Variants in DNAH11 observed in about 807,000 individuals in gnomAD.
DNAH11 encodes dynein axonemal heavy chain 11, also known as axonemal beta dynein heavy chain 11.
In DNAH11, 442 loss-of-function variants were observed where a neutral mutation model predicts 526.0. The ratio of observed to expected loss-of-function variants is 0.84; its 90% CI spans 0.78 to 0.91. The LOEUF (loss-of-function observed/expected upper bound fraction) is 0.91, where lower values mean the gene tolerates loss of function less well. DNAH11 is among the 40% of genes least tolerant of loss of function. DNAH11 has a pLI of 0.00. For missense variants in DNAH11, 6,989 were observed against 5,448.7 expected, an observed-to-expected ratio of 1.28 and a Z score of -8.90; for synonymous variants, 2,461 against 1,935.9, an observed-to-expected ratio of 1.27 and a Z score of -7.12.
At chr7:21,610,236 AGT>A (rs1399912316) in intron 20 of DNAH11, among the ~76,000 whole-genome samples, 4 of 152,212 alleles carry the variant, frequency 2.6e-5, no homozygotes, top group Non-Finnish European at 5.9e-5. Context: ...CCTGGGCGAC[AGT>A]GCGAGACTCC....
At chr7:21,854,762 C>G (rs1020641438) in intron 68 of DNAH11, among the ~76,000 whole-genome samples, 1 of 151,770 alleles carries the variant, frequency 6.6e-6, no homozygotes, top group African/African-American at 2.4e-5. Flanking sequence ...AGGCTGGTCT[C>G]GAACTCCTGA....
chr7:21,623,931 A>T (rs932714284), intron 25 of DNAH11, among the ~76,000 whole-genome samples: 1 of 151,726 alleles, frequency 6.6e-6, no homozygotes, highest in African/African-American at 2.4e-5. Flanking sequence ...TAACCTGCAC[A>T]TTGTGCACAT....
chr7:21,887,265 C>T (rs555293301), intron 76 of DNAH11, among the ~76,000 whole-genome samples: 2 of 152,196 alleles, frequency 1.3e-5, no homozygotes, highest in Non-Finnish European at 2.9e-5. Flanking sequence ...AGTTTGCTCT[C>T]AGAGAGAGTT....
At chr7:21,649,106 G>T (rs1051612263) in intron 28 of DNAH11, among the ~76,000 whole-genome samples, 1 of 152,158 alleles carries the variant, frequency 6.6e-6, no homozygotes, top group Non-Finnish European at 1.5e-5. Flanking sequence ...GAGATATCAA[G>T]ATCAAACCCA....
At chr7:21,900,163 A>AAAGACACCCCAAGG (rs754189097) in intron 81 of DNAH11, 43 bp downstream of exon 81, 2 of 1,575,380 alleles carry the variant, frequency 1.3e-6, no homozygotes, top group South Asian at 2.4e-5. Context: ...TTTCTTACTC[A>AAAGACACCCCAAGG]GGTTCAGATC....
intron 54 of DNAH11, among the ~76,000 whole-genome samples, chr7:21,765,040 A>C (rs1256206055): frequency 1.3e-5 from 2 of 152,246 alleles, no homozygotes; most frequent in African/African-American, 4.8e-5. Flanking sequence ...GATGAATTAC[A>C]AAATGGAAGA....
intron 6 of DNAH11, among the ~76,000 whole-genome samples, chr7:21,567,961 C>T (rs1011986987): frequency 2.0e-5 from 3 of 152,098 alleles, no homozygotes; most frequent in Non-Finnish European, 4.4e-5. Context: ...GTTGTCTATT[C>T]CATGGCTTGG....
chr7:21,713,251 A>G (rs1784528180), intron 42 of DNAH11, among the ~76,000 whole-genome samples: 1 of 152,228 alleles, frequency 6.6e-6, no homozygotes, highest in South Asian at 2.1e-4. Flanking sequence ...ACCTCTCTGG[A>G]CACACACTCC....
rs558870302 is a variant in DNAH11 at position 21,718,764 on chromosome 7, A to T, written c.7134+839A>T. 7.9e-5 allele frequency among the ~76,000 whole-genome samples: 12 copies of T among 152,288 alleles called. No homozygotes were observed. The South Asian group carries it at 2.5e-3, about 32-fold the overall frequency. ...TGCTATAAGAGCAAAATTGCTTTCTAAGTACTTTGTTACCATTAAGTGAGT... is the reference window on the plus strand; with the variant it reads ...TGCTATAAGAGCAAAATTGCTTTCTTAGTACTTTGTTACCATTAAGTGAGT... On this transcript the variant is annotated intron_variant, in intron 43 of 81. Coordinates refer to ENST00000409508, the MANE Select transcript of DNAH11 (RefSeq NM_001277115.2).
rs773745678 is a variant in DNAH11, at chr7:21,636,032, A to G, written c.4662A>G (p.Glu1554=). 1 of 1,613,708 alleles carries G rather than the reference A, an allele frequency of 6.2e-7. No individual in the cohort carries two copies. Among genetic ancestry groups the G allele is most frequent in the South Asian group, 1.1e-5 (1 of 90,956 alleles). Residue 1554 remains glutamate (E), a synonymous_variant, in exon 26 of 82, where the codon GAA becomes GAG. Coordinates refer to ENST00000409508, the MANE Select transcript of DNAH11 (RefSeq NM_001277115.2). ...TGGAAAGCATTTTTGTCTGTTCAGA[A>G]GATATTCGAATCCAGCTTGTGAAAG... ...SHLESIFVCS[E]DIRIQLVKDA...
intron 63 of DNAH11, among the ~76,000 whole-genome samples, chr7:21,808,963 T>G (rs535432765): frequency 1.3e-5 from 2 of 152,336 alleles, no homozygotes; most frequent in Non-Finnish European, 2.9e-5. Flanking sequence ...CCATACTGTT[T>G]TCTGTGGTGA....
chr7:21,684,945 A>C (rs1285223134), intron 32 of DNAH11, among the ~76,000 whole-genome samples: 1 of 152,208 alleles, frequency 6.6e-6, no homozygotes, highest in Non-Finnish European at 1.5e-5. Context: ...CCAATTATCC[A>C]CTATCACCGA....
At chr7:21,586,377 T>A (rs1041972938) in intron 9 of DNAH11, among the ~76,000 whole-genome samples, 1 of 152,238 alleles carries the variant, frequency 6.6e-6, no homozygotes, top group Non-Finnish European at 1.5e-5. Flanking sequence ...AAACAATGAC[T>A]GTGGGAAGAA....
chr7:21,652,750 C>G (rs1259337321), intron 28 of DNAH11, among the ~76,000 whole-genome samples: 2 of 152,278 alleles, frequency 1.3e-5, no homozygotes, highest in East Asian at 3.9e-4. Context: ...TTGTACTAAT[C>G]TTTTAGAAAC....
chr7:21,580,513 C>T (rs192374701), intron 8 of DNAH11, among the ~76,000 whole-genome samples: 10 of 152,294 alleles, frequency 6.6e-5, no homozygotes, highest in East Asian at 1.9e-4. Context: ...TAACAAAACA[C>T]GATAAACTGG....
rs922388314 is a variant in DNAH11, at chr7:21,560,952, G to A, written c.883-119G>A. The A allele has an allele frequency of 9.0e-6, 6 of 663,536 alleles. No homozygotes were observed. In the Admixed American group the frequency reaches 2.0e-4, roughly 22 times the overall value. 41.1% of individuals were successfully genotyped at this position (663,536 alleles called of 1,614,324 possible). ...AACTGGAAACCAGATATAACTTTGA[G>A]TGTTAAATACTGTATCACTTGTGAG... is the stretch of plus-strand genomic sequence containing the variant. On this transcript the variant is annotated intron_variant, in intron 4 of 81. Transcript: ENST00000409508.
chr7:21,800,692 A>C (rs931265930), intron 61 of DNAH11, among the ~76,000 whole-genome samples: 1 of 152,094 alleles, frequency 6.6e-6, no homozygotes, highest in Non-Finnish European at 1.5e-5. Context: ...AGTAATTAAC[A>C]CCCCTCTTCA....
chr7:21,845,864 T>A (rs997216306), intron 66 of DNAH11, among the ~76,000 whole-genome samples: 1 of 152,206 alleles, frequency 6.6e-6, no homozygotes, highest in African/African-American at 2.4e-5. Context: ...GACTTCCTAT[T>A]CATCAACATG....
intron 30 of DNAH11, among the ~76,000 whole-genome samples, chr7:21,667,152 T>C (rs992776595): frequency 6.6e-6 from 1 of 152,046 alleles, no homozygotes; most frequent in African/African-American, 2.4e-5. Context: ...CTAGAAGAAA[T>C]GGATAACTGT....
Sources: allele counts gnomAD v4.1 joint callset (sites outside exome capture counted in the v4.1 genomes callset), GRCh38; gene constraint gnomAD v4.1.1; transcripts MANE v1.5; gene names NCBI Gene and HGNC (gene_info 2026-07-23, HGNC 2026-07-21).